Variants in SCRG1 observed in about 807,000 individuals in gnomAD.
SCRG1 encodes the protein scrapie-responsive protein 1.
Under a neutral mutation model 7.7 loss-of-function variants are expected in SCRG1, and 3 were observed. The observed-to-expected ratio is 0.39, with a 90% CI of 0.18 to 1.01. The LOEUF (loss-of-function observed/expected upper bound fraction) is 1.01, where lower values mean the gene tolerates loss of function less well. Among genes scored for constraint, SCRG1 ranks in the 50% least tolerant of loss-of-function variants. The pLI is 0.36. For missense variants in SCRG1, 110 were observed against 117.2 expected, an observed-to-expected ratio of 0.94 and a Z score of 0.28; for synonymous variants, 46 against 41.2, an observed-to-expected ratio of 1.12 and a Z score of -0.44.
chr4:173,389,076 C>T (rs540771973), intron 2 of SCRG1, among the ~76,000 whole-genome samples: 7 of 152,044 alleles, frequency 4.6e-5, no homozygotes, highest in Admixed American at 3.3e-4. Flanking sequence ...AAAAAAAAAG[C>T]AAACATGGCA....
At chr4:173,476,440 C>T in the SCRG1 span, among the ~76,000 whole-genome samples, 1 of 149,492 alleles carries the variant, frequency 6.7e-6, no homozygotes, top group Non-Finnish European at 1.5e-5. Flanking sequence ...TTTGTGACCA[C>T]AGACAACCCA....
the SCRG1 span, among the ~76,000 whole-genome samples, chr4:173,514,241 C>G: frequency 6.6e-6 from 1 of 152,204 alleles, no homozygotes; most frequent in Non-Finnish European, 1.5e-5. Context: ...CCATTTGCTC[C>G]TCCAGTTAAG....
the SCRG1 span, among the ~76,000 whole-genome samples, chr4:173,419,033 TTAAC>T: frequency 6.6e-6 from 1 of 152,216 alleles, no homozygotes; most frequent in African/African-American, 2.4e-5. Context: ...AATGTCTAAT[TTAAC>T]TAATTTGAGA....
chr4:173,418,792 T>TGTTTGTTTAAAA, the SCRG1 span, among the ~76,000 whole-genome samples: 2 of 152,192 alleles, frequency 1.3e-5, no homozygotes, highest in African/African-American at 4.8e-5. Flanking sequence ...TCATGAGATC[T>TGTTTGTTTAAAA]GTTTGTTTAA....
chr4:173,441,590 T>G, the SCRG1 span, among the ~76,000 whole-genome samples: 1 of 152,244 alleles, frequency 6.6e-6, no homozygotes, highest in African/African-American at 2.4e-5. Flanking sequence ...AGAACTAACT[T>G]CATTTATTCA....
chr4:173,449,967 T>C, the SCRG1 span, among the ~76,000 whole-genome samples: 1 of 152,148 alleles, frequency 6.6e-6, no homozygotes, highest in Non-Finnish European at 1.5e-5. Context: ...TTAAACTGAT[T>C]AAAAAATTGT....
the SCRG1 span, among the ~76,000 whole-genome samples, chr4:173,455,619 C>A: frequency 3.3e-5 from 5 of 152,102 alleles, no homozygotes; most frequent in Non-Finnish European, 5.9e-5. Context: ...CCAGTGTAAG[C>A]CTTCAGGGAG....
chr4:173,476,363 A>AAAAAATATATATATATATAT, the SCRG1 span, among the ~76,000 whole-genome samples: 40 of 98,504 alleles, frequency 4.1e-4, 1 homozygote, highest in Non-Finnish European at 7.6e-4. Flanking sequence ...GGAAAAAAAA[A>AAAAAATATATATATATATAT]ATATATATAT....
upstream of SCRG1, among the ~76,000 whole-genome samples, chr4:173,401,917 G>A (rs1396510051): frequency 1.3e-5 from 2 of 152,198 alleles, no homozygotes; most frequent in East Asian, 3.8e-4. Context: ...TTGAGAAGGA[G>A]TTCAATTCCA....
chr4:173,511,464 G>A, the SCRG1 span, among the ~76,000 whole-genome samples: 1 of 151,904 alleles, frequency 6.6e-6, no homozygotes. The surrounding 1 kb of genome is among the most constrained non-coding windows in gnomAD (Gnocchi z 5.2). Flanking sequence ...TCTGCAAAAC[G>A]TTTTCTGCTG....
At chr4:173,496,430 A>G in the SCRG1 span, among the ~76,000 whole-genome samples, 1 of 152,228 alleles carries the variant, frequency 6.6e-6, no homozygotes, top group Non-Finnish European at 1.5e-5. Context: ...AGTCATGGAG[A>G]CTAAGAGAAG....
chr4:173,500,157 T>C, the SCRG1 span, among the ~76,000 whole-genome samples: 3 of 152,214 alleles, frequency 2.0e-5, no homozygotes, highest in Non-Finnish European at 4.4e-5. Flanking sequence ...TAGAACACCT[T>C]AGCGCCAAGT....
chr4:173,485,069 TTA>T, the SCRG1 span, among the ~76,000 whole-genome samples: 2 of 4,614 alleles, frequency 4.3e-4, 1 homozygote, highest in Non-Finnish European at 1.2e-3. Context: ...ATATTATATA[TTA>T]TATATTATAT....
upstream of SCRG1, among the ~76,000 whole-genome samples, chr4:173,400,803 C>A (rs1427681560): frequency 6.6e-6 from 1 of 152,124 alleles, no homozygotes; most frequent in Admixed American, 6.5e-5. Context: ...AATGGCGAGA[C>A]CCTGGCAGTG....
the SCRG1 span, among the ~76,000 whole-genome samples, chr4:173,471,969 A>G: frequency 2.0e-5 from 3 of 152,312 alleles, no homozygotes; most frequent in South Asian, 6.2e-4. Context: ...TTGGTCTCCC[A>G]AAGTGCTGGG....
At chr4:173,465,362 C>CA in the SCRG1 span, among the ~76,000 whole-genome samples, 2 of 151,628 alleles carry the variant, frequency 1.3e-5, no homozygotes, top group African/African-American at 2.4e-5. Flanking sequence ...TCATAATGGC[C>CA]AAAAAAATGG....
chr4:173,420,997 A>G, the SCRG1 span, among the ~76,000 whole-genome samples: 1 of 152,160 alleles, frequency 6.6e-6, no homozygotes, highest in South Asian at 2.1e-4. Flanking sequence ...CCCTTTTACC[A>G]CAAAAAACAG....
chr4:173,432,638 G>A, the SCRG1 span, among the ~76,000 whole-genome samples: 18 of 152,146 alleles, frequency 1.2e-4, no homozygotes, highest in African/African-American at 1.7e-4. Flanking sequence ...TCTAGGTTTC[G>A]GTTCTGTCAG....
chr4:173,404,818 A>T (rs937453967), intron 1 of SCRG1, among the ~76,000 whole-genome samples: 7 of 152,104 alleles, frequency 4.6e-5, no homozygotes, highest in African/African-American at 1.7e-4. Flanking sequence ...GATTGTTTTT[A>T]TTGCTCTTCT....
Sources: allele counts gnomAD v4.1 joint callset (sites outside exome capture counted in the v4.1 genomes callset), GRCh38; gene constraint gnomAD v4.1.1; non-coding constraint Gnocchi (gnomAD v3.1); transcripts MANE v1.5; gene names NCBI Gene and HGNC (gene_info 2026-07-23, HGNC 2026-07-21).